The following RECQL5 variants were observed in gnomAD, a reference collection of about 807,000 sequenced individuals.
The protein encoded by RECQL5 is ATP-dependent DNA helicase Q5.
Under a neutral mutation model 103.4 loss-of-function variants are expected in RECQL5, and 88 were observed. The ratio of observed to expected loss-of-function variants is 0.85; its 90% CI spans 0.72 to 1.02. The LOEUF (loss-of-function observed/expected upper bound fraction) is 1.02. Among genes scored for constraint, RECQL5 ranks in the 50% least tolerant of loss-of-function variants. RECQL5 has a pLI of 0.00. For missense variants in RECQL5, 1,232 were observed against 1,284.3 expected, an observed-to-expected ratio of 0.96 and a Z score of 0.62; for synonymous variants, 552 against 507.9, an observed-to-expected ratio of 1.09 and a Z score of -1.17.
Position 75,658,331 on chromosome 17 carries a change from G to A in RECQL5, c.1116C>T (p.Ser372=), listed in dbSNP as rs754196254. 1 of 1,613,784 alleles carries A rather than the reference G, an allele frequency of 6.2e-7. No individual in the cohort carries two copies. The change falls in exon 7 of 20, where the codon AGC becomes AGT. Residue 372 remains serine (S), a synonymous_variant. Transcript: ENST00000317905. ...YYSRNDRDQV[S]FLIRKEVAKL... is the part of the protein sequence containing the mutation. ...TTGCTACTTCCTTCCTGATCAGGAA[G>A]CTGACTTGGTCCCGGTCATTCCTGG...
At chr17:75,629,678 A>G in intron 15 of RECQL5, 30 bp downstream of exon 15, 1 of 1,578,150 alleles carries the variant, frequency 6.3e-7, no homozygotes, top group Non-Finnish European at 8.7e-7. Flanking sequence ...TCCTGGTCAC[A>G]GGTCTGGAGG....
At position 75,639,983 on chromosome 17, in the gene RECQL5, T is replaced by C. The variant is rs1483369841; in HGVS notation, c.1230-8315A>G. 1.2e-5 allele frequency: 7 copies of C among 590,888 alleles called. No homozygotes were observed. In the Admixed American group the frequency reaches 2.5e-4, roughly 21 times the overall value. 36.6% of individuals were successfully genotyped at this position (590,888 alleles called of 1,614,324 possible). A position where few individuals can be genotyped will look rare whatever the true frequency, so the allele number is the denominator to read the frequency against. On this transcript the variant is annotated intron_variant, in intron 8 of 19. Coordinates refer to ENST00000317905, the MANE Select transcript of RECQL5 (RefSeq NM_004259.7). ...CTGTCCTCACCGGCTTCCTCCACCCTGAGCTGTGTCAGCTGGGTGGGGACT... is the reference window on the plus strand; with the variant it reads ...CTGTCCTCACCGGCTTCCTCCACCCCGAGCTGTGTCAGCTGGGTGGGGACT...
At chr17:75,632,411 A>C (rs1016655178) in intron 8 of RECQL5, among the ~76,000 whole-genome samples, 1 of 152,002 alleles carries the variant, frequency 6.6e-6, no homozygotes, top group Non-Finnish European at 1.5e-5. Context: ...CCCTAAGTAT[A>C]CTCTGTGACC....
rs555807142 is a variant in RECQL5, at chr17:75,627,478, G to A, written c.2920C>T (p.Arg974Trp). Residue 974 changes from arginine to tryptophan, a missense_variant, in exon 20 of 20, where the codon CGG becomes TGG. Arg to Trp is a moderately radical substitution (Grantham distance 101, BLOSUM62 -3). Transcript: ENST00000317905. ...TCAGCTTCGCTCTCGCACCGGGCCCGGCCATGGAAGAAGTGCCTGATGAGG... is the reference window on the plus strand; with the variant it reads ...TCAGCTTCGCTCTCGCACCGGGCCCAGCCATGGAAGAAGTGCCTGATGAGG... The part of the protein sequence containing the change: ...QNLIRHFFHG[R>W]ARCESEADWH... 44 of 1,613,842 alleles carry A rather than the reference G, an allele frequency of 2.7e-5. No homozygotes were observed. Among genetic ancestry groups the A allele is most frequent in the East Asian group, 4.5e-5 (2 of 44,870 alleles).
At position 75,640,755 on chromosome 17, in the gene RECQL5, C is replaced by T. The variant is rs2059421103; in HGVS notation, c.1230-9087G>A. The T allele has an allele frequency of 1.3e-6, 2 of 1,540,742 alleles. No individual in the cohort carries two copies. Among genetic ancestry groups the T allele is most frequent in the Non-Finnish European group, 1.8e-6 (2 of 1,140,150 alleles). ...GGAGGGTGGGCATCCTTTCTCTCCC[C>T]CAACCTGAGTCCCGTGCTCTCTCCC... On this transcript the variant is annotated intron_variant, in intron 8 of 19. Transcript: ENST00000317905. This position sits in a 1 kb window ranked among gnomAD's most constrained non-coding sequence, Gnocchi z 4.6.
Position 75,629,255 on chromosome 17 carries a change from T to C in RECQL5, c.2168A>G (p.Tyr723Cys), listed in dbSNP as rs545666836. 3.6e-5 allele frequency: 58 copies of C among 1,611,206 alleles called. No individual in the cohort carries two copies. The highest frequency in any genetic ancestry group is 8.5e-6 in the Non-Finnish European group (10 of 1,178,840). ...RGEVPGGSAHYGGPSPEKKAK... is the reference protein window; with the variant it reads ...RGEVPGGSAHCGGPSPEKKAK... ...CTTCTTCTCAGGGGAGGGCCCCCCA[T>C]AGTGAGCGCTGCCTCCAGGGACCTC... is the stretch of plus-strand genomic sequence containing the variant. The change falls in exon 16 of 20, where the codon TAT becomes TGT. Residue 723 changes from tyrosine (Y) to cysteine (C), a missense_variant. Transcript: ENST00000317905.
At chr17:75,649,915 G>A in intron 8 of RECQL5, 1 of 985,600 alleles carries the variant, frequency 1.0e-6, no homozygotes, top group Non-Finnish European at 1.2e-6. Flanking sequence ...GAAGGTGACA[G>A]GAGAAATGAA....
At chr17:75,658,968 G>A (rs192594137) in intron 6 of RECQL5, among the ~76,000 whole-genome samples, 11 of 152,342 alleles carry the variant, frequency 7.2e-5, no homozygotes, top group Admixed American at 6.5e-4. Context: ...AGGGTCAGCA[G>A]AGCTAGAATT....
At chr17:75,646,752 C>T (rs1034436956) in intron 8 of RECQL5, 37 of 152,682 alleles carry the variant, frequency 2.4e-4, no homozygotes, top group African/African-American at 8.2e-4. Flanking sequence ...CTGAATTGCC[C>T]TTGTAGGACC....
chr17:75,644,396 G>A (rs1161270651), intron 8 of RECQL5, among the ~76,000 whole-genome samples: 4 of 151,904 alleles, frequency 2.6e-5, no homozygotes, highest in Non-Finnish European at 4.4e-5. Flanking sequence ...CCTTGAGCTC[G>A]GGAGTTTGAG....
chr17:75,667,092 C>A lies in RECQL5; in HGVS notation c.-63G>T. The A allele has an allele frequency of 2.3e-6, 1 of 426,372 alleles. No individual in the cohort carries two copies. The highest frequency in any genetic ancestry group is 2.1e-5 in the African/African-American group (1 of 48,770). The allele number at this position is 426,372 out of a possible 1,614,324, so 26.4% of individuals were successfully genotyped here. A position where few individuals can be genotyped will look rare whatever the true frequency, so the allele number is the denominator to read the frequency against. On this transcript the variant is annotated 5_prime_UTR_variant, in exon 1 of 20. Transcript: ENST00000317905. ...AGAATTAAAGGCTGCTGGCTGGTTC[C>A]GGAACTGTTCGAAGACCCCTATACA...
In RECQL5 at chr17:75,628,239, CT is replaced by C; in HGVS notation, c.2783del (p.Lys928ArgfsTer22). On this transcript the variant is annotated frameshift_variant, in exon 18 of 20. Coordinates refer to ENST00000317905, the MANE Select transcript of RECQL5 (RefSeq NM_004259.7). LOFTEE classifies it high-confidence loss of function. ...CTACCTTGGAAGCAAACTTGCCCTC[CT>C]TGTAGAAAGGGGTGAGGCACTTGAC... ...VVVKCLTPFY[K>X]EGKFASKELF... The C allele has an allele frequency of 6.2e-7, 1 of 1,614,122 alleles. No homozygotes were observed. Among genetic ancestry groups the C allele is most frequent in the Non-Finnish European group, 8.5e-7 (1 of 1,180,000 alleles).
chr17:75,634,752 A>G (rs1280460012), intron 8 of RECQL5, among the ~76,000 whole-genome samples: 2 of 152,148 alleles, frequency 1.3e-5, no homozygotes, highest in Non-Finnish European at 2.9e-5. Context: ...CCCTGGGCCC[A>G]TCTAGAACCC....
chr17:75,663,401 AT>A (rs2059725191), intron 3 of RECQL5, among the ~76,000 whole-genome samples: 1 of 151,788 alleles, frequency 6.6e-6, no homozygotes, highest in African/African-American at 2.4e-5. Flanking sequence ...TATATTAAAA[AT>A]AATAATAATA....
intron 19 of RECQL5, 24 bp from the exon 20 acceptor site, chr17:75,627,546 G>A (rs2059118980): frequency 5.0e-6 from 8 of 1,612,284 alleles, no homozygotes; most frequent in Non-Finnish European, 6.8e-6. Context: ...GTGGGGGCAT[G>A]AGGAGGTGAG....
At position 75,630,626 on chromosome 17, in the gene RECQL5, C is replaced by A. The variant is rs771692549; in HGVS notation, c.1711G>T (p.Ala571Ser). ...LSSNRQSTRT[A>S]DEADLRAKAV... Reference sequence around the variant, plus strand: ...AGTGATCGTGGAACTCACTCATCAGCGGTACGTGTTGACTGGCGGTTGCTG... The same window carrying A: ...AGTGATCGTGGAACTCACTCATCAGAGGTACGTGTTGACTGGCGGTTGCTG... The change falls in exon 13 of 20, where the codon GCT becomes TCT. Residue 571 changes from alanine to serine, a missense_variant. Ala to Ser is a moderately conservative substitution (Grantham distance 99). Coordinates refer to ENST00000317905, the MANE Select transcript of RECQL5 (RefSeq NM_004259.7). 6.2e-7 allele frequency: 1 copy of A among 1,613,480 alleles called. No individual in the cohort carries two copies. Among genetic ancestry groups the A allele is most frequent in the African/African-American group, 1.3e-5 (1 of 74,922 alleles).
chr17:75,628,171 A>G (rs771066104), intron 18 of RECQL5, 47 bp downstream of exon 18: 1 of 1,495,878 alleles, frequency 6.7e-7, no homozygotes, highest in Non-Finnish European at 9.3e-7. Context: ...CACTACACCC[A>G]CATACCCCAG....
intron 8 of RECQL5, chr17:75,634,017 G>T: frequency 1.0e-6 from 1 of 985,580 alleles, no homozygotes; most frequent in Non-Finnish European, 1.2e-6. Flanking sequence ...ACGGTAATTT[G>T]ACACTTGGAT....
intron 8 of RECQL5, among the ~76,000 whole-genome samples, chr17:75,643,430 G>T (rs2059455820): frequency 6.6e-6 from 1 of 152,202 alleles, no homozygotes; most frequent in South Asian, 2.1e-4. Context: ...CACAGGATTC[G>T]GTCCCTGCCC....
Sources: gnomAD v4.1 joint callset for allele counts (sites outside exome capture counted in the v4.1 genomes callset) on GRCh38, gnomAD v4.1.1 for gene constraint, Gnocchi (gnomAD v3.1) non-coding constraint, MANE v1.5 for transcripts, NCBI Gene and HGNC (gene_info 2026-07-23, HGNC 2026-07-21) for gene names.